Variants in KAZN observed in about 807,000 individuals in gnomAD.
The protein encoded by KAZN is kazrin.
In KAZN, 40 loss-of-function variants were observed where a neutral mutation model predicts 87.4. The ratio of observed to expected loss-of-function variants is 0.46; its 90% confidence interval spans 0.36 to 0.60. The LOEUF (loss-of-function observed/expected upper bound fraction) is 0.60, where lower values mean the gene tolerates loss of function less well. KAZN is among the 20% of genes least tolerant of loss of function. The pLI is 0.00. For synonymous variants in KAZN, 466 were observed against 458.3 expected, an observed-to-expected ratio of 1.02 and a Z score of -0.22; for missense variants, 898 against 1,073.9, an observed-to-expected ratio of 0.84 and a Z score of 2.29.
intron 2 of KAZN, among the ~76,000 whole-genome samples, chr1:14,474,802 G>A (rs1368015485): frequency 6.6e-6 from 1 of 152,194 alleles, no homozygotes; most frequent in African/African-American, 2.4e-5. Flanking sequence ...CTAGGTTTTA[G>A]CATTGACAAT....
chr1:14,661,013 C>T (rs1639136847), intron 1 of KAZN, among the ~76,000 whole-genome samples: 1 of 152,056 alleles, frequency 6.6e-6, no homozygotes, highest in African/African-American at 2.4e-5. Flanking sequence ...ATTAAGAGGC[C>T]AGAGGAAAGA....
chr1:14,927,104 G>C (rs556814914), intron 1 of KAZN, among the ~76,000 whole-genome samples: 1 of 152,302 alleles, frequency 6.6e-6, no homozygotes, highest in African/African-American at 2.4e-5. Flanking sequence ...CCTCGATTGC[G>C]TTTTACTCTG....
chr1:13,926,656 A>G (rs1232963421), intron 1 of KAZN, among the ~76,000 whole-genome samples: 2 of 112,860 alleles, frequency 1.8e-5, no homozygotes, highest in African/African-American at 6.5e-5. Flanking sequence ...AAGAGTTAAA[A>G]AAAAAAAAAA....
At chr1:14,931,234 C>T (rs1659780505) in intron 1 of KAZN, among the ~76,000 whole-genome samples, 1 of 151,696 alleles carries the variant, frequency 6.6e-6, no homozygotes, top group Non-Finnish European at 1.5e-5. Context: ...GTCAGGAGTT[C>T]AGGACCAGCC....
intron 2 of KAZN, among the ~76,000 whole-genome samples, chr1:14,335,632 C>T (rs544898161): frequency 1.3e-5 from 2 of 152,150 alleles, no homozygotes; most frequent in Admixed American, 6.5e-5. Flanking sequence ...TGGTGCCATA[C>T]TTGTATGGCC....
intron 2 of KAZN, among the ~76,000 whole-genome samples, chr1:14,294,490 C>T (rs1315318994): frequency 2.0e-5 from 3 of 152,012 alleles, no homozygotes; most frequent in Non-Finnish European, 2.9e-5. Context: ...TACTGTTCTC[C>T]CATTTAACAG....
chr1:13,900,565 C>T (rs1639212698), intron 1 of KAZN, among the ~76,000 whole-genome samples: 1 of 152,162 alleles, frequency 6.6e-6, no homozygotes, highest in Non-Finnish European at 1.5e-5. Context: ...ACAGTGGTCT[C>T]AGCTTGTGAG....
chr1:15,056,360 C>T lies in KAZN; in HGVS notation c.916+80C>T. The T allele has an allele frequency of 2.1e-6, 3 of 1,410,550 alleles. No individual in the cohort carries two copies. The highest frequency in any genetic ancestry group is 2.9e-6 in the Non-Finnish European group (3 of 1,045,038). The allele number at this position is 1,410,550 out of a possible 1,614,324, so 87.4% of individuals were successfully genotyped here. Reference sequence around the variant, plus strand: ...CCATCTGACCCAGTGGGAGAGGCAGCTGCTTTGTTCGTACTACAGCAGCTT... The same window carrying T: ...CCATCTGACCCAGTGGGAGAGGCAGTTGCTTTGTTCGTACTACAGCAGCTT... On this transcript the variant is annotated intron_variant, in intron 5 of 14. Coordinates refer to ENST00000376030, the MANE Select transcript of KAZN (RefSeq NM_201628.3). This position sits in a 1 kb window ranked among gnomAD's most constrained non-coding sequence, Gnocchi z 5.4.
chr1:14,284,761 T>C (rs1237210003), intron 2 of KAZN, among the ~76,000 whole-genome samples: 1 of 152,150 alleles, frequency 6.6e-6, no homozygotes, highest in Non-Finnish European at 1.5e-5. Context: ...GAGTTTAGGA[T>C]CATCACACAT....
intron 1 of KAZN, among the ~76,000 whole-genome samples, chr1:13,938,201 C>G (rs1640811874): frequency 6.6e-6 from 1 of 152,102 alleles, no homozygotes; most frequent in Admixed American, 6.5e-5. Context: ...CCTATGATGT[C>G]TTTCATCAGT....
chr1:14,826,826 G>T (rs985984849), intron 1 of KAZN, among the ~76,000 whole-genome samples: 2 of 152,312 alleles, frequency 1.3e-5, no homozygotes, highest in Middle Eastern at 6.8e-3. Context: ...GGCCGCCTTT[G>T]CTCTTCTCAC....
intron 1 of KAZN, among the ~76,000 whole-genome samples, chr1:14,814,222 T>TTTA (rs145280746): frequency 4.6e-5 from 7 of 152,008 alleles, no homozygotes; most frequent in African/African-American, 2.4e-5. Context: ...CTGGATCTTT[T>TTTA]TTATTATTAT....
rs78836858 is a variant in KAZN, at chr1:14,547,189, T to G, written c.250-51794T>G. Among the ~76,000 whole-genome samples, 30 of 151,350 alleles carry G rather than the reference T, an allele frequency of 2.0e-4. 1 individual carries two copies. Among genetic ancestry groups the G allele is most frequent in the Non-Finnish European group, 3.2e-4 (22 of 67,880 alleles). ...TACCAAAGGGAAGAATAGAATGACA[T>G]TTTTTTTTCCTTGACCTTCTCAATG... On this transcript the variant is annotated intron_variant, in intron 2 of 16. Coordinates refer to the KAZN transcript ENST00000636203.
chr1:13,958,405 C>T (rs1035367789), intron 1 of KAZN, among the ~76,000 whole-genome samples: 2 of 151,452 alleles, frequency 1.3e-5, no homozygotes, highest in Non-Finnish European at 2.9e-5. Context: ...CCCGTCTCTA[C>T]TAAAAATACA....
intron 2 of KAZN, among the ~76,000 whole-genome samples, chr1:14,390,350 A>T (rs1423021249): frequency 6.6e-6 from 1 of 152,222 alleles, no homozygotes; most frequent in South Asian, 2.1e-4. Flanking sequence ...TAAACTTCGA[A>T]GAAAATATAA....
At chr1:14,349,005 T>C (rs1180022729) in intron 2 of KAZN, 1 of 152,252 alleles carries the variant, frequency 6.6e-6, no homozygotes, top group African/African-American at 2.4e-5. Flanking sequence ...GTGTGTTTTG[T>C]GTGTTGAGCT....
intron 2 of KAZN, among the ~76,000 whole-genome samples, chr1:14,509,125 AGT>A (rs1670768302): frequency 1.3e-5 from 2 of 152,260 alleles, no homozygotes; most frequent in Non-Finnish European, 2.9e-5. Context: ...TCTGAAGCAC[AGT>A]GTACCACCAA....
rs113005862 is a variant in KAZN at position 14,797,362 on chromosome 1, A to G, written c.227-163322A>G. On this transcript the variant is annotated intron_variant, in intron 1 of 14. Coordinates refer to ENST00000376030, the MANE Select transcript of KAZN (RefSeq NM_201628.3). ...AGGCATGAGCCACCATCCCTGGCCT[A>G]TGGTGCTGTTTTTAATTTAACTATG... 2.6e-5 allele frequency among the ~76,000 whole-genome samples: 4 copies of G among 152,214 alleles called. No homozygotes were observed. In the East Asian group the frequency reaches 7.7e-4, roughly 29 times the overall value.
rs186248805 is a variant in KAZN, at chr1:14,919,157, G to A, written c.227-41527G>A. ...GCCCTTCGAACCTCCAGAACACTCA[G>A]ATGCAGAGACAGGAGGCACTTTTTT... On this transcript the variant is annotated intron_variant, in intron 1 of 14. Transcript: ENST00000376030. Among the ~76,000 whole-genome samples the A allele has an allele frequency of 6.6e-4, 100 of 152,282 alleles. No individual in the cohort carries two copies. In the Middle Eastern group the frequency reaches 0.014, roughly 21 times the overall value.
Sources: gnomAD v4.1 joint callset for allele counts (sites outside exome capture counted in the v4.1 genomes callset) on GRCh38, gnomAD v4.1.1 for gene constraint, Gnocchi (gnomAD v3.1) non-coding constraint, MANE v1.5 for transcripts, NCBI Gene and HGNC (gene_info 2026-07-23, HGNC 2026-07-21) for gene names.